The following MYPN variants were observed in gnomAD, a reference collection of about 807,000 sequenced individuals.
MYPN encodes the protein sarcomeric protein myopalladin, 145 kDa (MYOP).
Under a neutral mutation model 129.4 loss-of-function variants are expected in MYPN, and 63 were observed. The observed-to-expected ratio is 0.49, with a 90% CI of 0.40 to 0.60. The LOEUF (loss-of-function observed/expected upper bound fraction) is 0.60. Ranked by LOEUF, MYPN falls within the 20% of genes least tolerant of loss-of-function variation. The probability of loss-of-function intolerance (pLI) is 0.00; values close to 1 mark genes in which losing one functional copy is unlikely to be tolerated. For missense variants in MYPN, 1,596 were observed against 1,635.4 expected, an observed-to-expected ratio of 0.98 and a Z score of 0.42; for synonymous variants, 629 against 600.9, an observed-to-expected ratio of 1.05 and a Z score of -0.68.
intron 1 of MYPN, among the ~76,000 whole-genome samples, chr10:68,117,178 C>T (rs532454305): frequency 2.0e-5 from 3 of 150,882 alleles, no homozygotes; most frequent in South Asian, 4.2e-4. Flanking sequence ...GAGCCGACAT[C>T]GCACCATTGC....
chr10:68,153,997 T>C (rs1193761902), intron 6 of MYPN, among the ~76,000 whole-genome samples: 1 of 152,154 alleles, frequency 6.6e-6, no homozygotes, highest in African/African-American at 2.4e-5. Context: ...GACAGCGAAG[T>C]ACTTATCTTC....
chr10:68,108,164 A>C (rs1180913063), upstream of MYPN, among the ~76,000 whole-genome samples: 1 of 152,168 alleles, frequency 6.6e-6, no homozygotes, highest in East Asian at 1.9e-4. Context: ...CAGATAATTC[A>C]TTTCCTCCTG....
chr10:68,183,263 C>T (rs61857173), intron 12 of MYPN, among the ~76,000 whole-genome samples: 17,249 of 152,002 alleles, frequency 0.11, 1,286 homozygotes, highest in Admixed American at 0.17. Flanking sequence ...GAGTTCAAGA[C>T]CAGCCTGGAC....
intron 12 of MYPN, among the ~76,000 whole-genome samples, chr10:68,182,825 A>T (rs2043359762): frequency 6.6e-6 from 1 of 152,096 alleles, no homozygotes. Flanking sequence ...GTATATTTTT[A>T]AAAACTCATT....
intron 2 of MYPN, chr10:68,136,355 C>A: frequency 1.1e-6 from 1 of 873,112 alleles, no homozygotes; most frequent in Non-Finnish European, 1.4e-6. Context: ...CTGGCACCTA[C>A]TGCCATTCTG....
In MYPN at chr10:68,189,783, G is replaced by A. The variant is rs141170699; in HGVS notation, c.2925+657G>A. Among the ~76,000 whole-genome samples, 1,461 of 152,296 alleles carry A rather than the reference G, an allele frequency of 9.6e-3. 26 individuals are homozygous for A. Among genetic ancestry groups the A allele is most frequent in the African/African-American group, 0.033 (1,385 of 41,566 alleles). On this transcript the variant is annotated intron_variant, in intron 13 of 19. Coordinates refer to ENST00000358913, the MANE Select transcript of MYPN (RefSeq NM_032578.4). ...TATTCATTCATTGATGGACACATAG[G>A]TTGATTCTGTAACTTGGCTATCATG...
At chr10:68,124,077 T>A (rs2042291111) in intron 2 of MYPN, among the ~76,000 whole-genome samples, 1 of 152,216 alleles carries the variant, frequency 6.6e-6, no homozygotes, top group African/African-American at 2.4e-5. Context: ...GTGAGGCAAA[T>A]GCAGTGCAAG....
At chr10:68,185,040 C>A (rs2043398276) in intron 12 of MYPN, among the ~76,000 whole-genome samples, 1 of 151,858 alleles carries the variant, frequency 6.6e-6, no homozygotes, top group South Asian at 2.1e-4. Context: ...CGGGCGTGCT[C>A]AAGCCTGTAA....
chr10:68,179,515 A>T (rs1350431003), intron 12 of MYPN, among the ~76,000 whole-genome samples: 1 of 152,200 alleles, frequency 6.6e-6, no homozygotes, highest in East Asian at 1.9e-4. Context: ...AAGGTAATAA[A>T]ACTGTTAACC....
chr10:68,155,013 C>T (rs2042843810), intron 6 of MYPN, among the ~76,000 whole-genome samples: 1 of 152,004 alleles, frequency 6.6e-6, no homozygotes, highest in African/African-American at 2.4e-5. Flanking sequence ...AACCCCGTCT[C>T]TAACTAAAAA....
At chr10:68,195,555 CT>C in intron 15 of MYPN, 23 bp downstream of exon 15, 1 of 1,595,568 alleles carries the variant, frequency 6.3e-7, no homozygotes, top group Non-Finnish European at 8.6e-7. Flanking sequence ...AGAATTCCCC[CT>C]CTCTAGGCCC....
intron 8 of MYPN, chr10:68,162,166 C>CAAAAAAAAAAAAA (rs5785846): frequency 2.0e-5 from 1 of 49,990 alleles, no homozygotes; most frequent in Admixed American, 2.6e-4. Flanking sequence ...GAATCTGTCT[C>CAAAAAAAAAAAAA]AAAAAAAAAA....
chr10:68,176,326 A>G (rs1156240423), intron 12 of MYPN, among the ~76,000 whole-genome samples: 1 of 152,222 alleles, frequency 6.6e-6, no homozygotes, highest in Non-Finnish European at 1.5e-5. Flanking sequence ...GCTTTTGAGA[A>G]TCCAGTGGTT....
At position 68,148,492 on chromosome 10, in the gene MYPN, A is replaced by G. The variant is rs776042145; in HGVS notation, c.1245+25A>G. 5.1e-6 allele frequency: 8 copies of G among 1,571,890 alleles called. No homozygotes were observed. In the East Asian group the frequency reaches 6.7e-5, roughly 13 times the overall value. On this transcript the variant is annotated intron_variant, in intron 5 of 19. Coordinates refer to ENST00000358913, the MANE Select transcript of MYPN (RefSeq NM_032578.4). The stretch of plus-strand genomic sequence containing the variant: ...GGTACAAGAATCCAAGCGAAACACA[A>G]GTGCCATCCACTGTGACAGACAGTC...
chr10:68,120,634 A>G (rs2042227745), intron 1 of MYPN, among the ~76,000 whole-genome samples: 1 of 152,204 alleles, frequency 6.6e-6, no homozygotes, highest in Admixed American at 6.5e-5. Flanking sequence ...TTTACTTTCC[A>G]TGAGCTAGCT....
chr10:68,102,281 C>G (rs889174344), upstream of MYPN, among the ~76,000 whole-genome samples: 1 of 151,880 alleles, frequency 6.6e-6, no homozygotes, highest in African/African-American at 2.4e-5. Flanking sequence ...CACACCACCA[C>G]GCCCAGCTAA....
At position 68,158,300 on chromosome 10, in the gene MYPN, C is replaced by A. The variant is rs978943049; in HGVS notation, c.1318-186C>A. 5.9e-5 allele frequency: 36 copies of A among 607,776 alleles called. No individual in the cohort carries two copies. The African/African-American group carries it at 6.5e-4, about 11-fold the overall frequency. 37.6% of individuals were successfully genotyped at this position (607,776 alleles called of 1,614,324 possible). A position where few individuals can be genotyped will look rare whatever the true frequency, so the allele number is the denominator to read the frequency against. ...GAGTAGCCACGCTCGCCTGCTAGAG[C>A]CTCCAAACAAGCTCTCAAAACTACT... On this transcript the variant is annotated intron_variant, in intron 6 of 19. Coordinates refer to ENST00000358913, the MANE Select transcript of MYPN (RefSeq NM_032578.4).
At chr10:68,131,117 G>C (rs368922998) in intron 2 of MYPN, among the ~76,000 whole-genome samples, 2 of 152,140 alleles carry the variant, frequency 1.3e-5, no homozygotes, top group African/African-American at 4.8e-5. Flanking sequence ...GGCCGGGTGT[G>C]GGGGCTCACG....
In MYPN at chr10:68,201,921, A is replaced by G. The variant is rs375595742; in HGVS notation, c.3586A>G (p.Ile1196Val). Reference protein sequence around the residue: ...GHPVRLECRVIGMPPPVFYWK... With the variant: ...GHPVRLECRVVGMPPPVFYWK... The stretch of plus-strand genomic sequence containing the variant: ...CCCCGTGAGACTGGAGTGCCGCGTG[A>G]TAGGCATGCCCCCACCTGTGTTCTA... The change falls in exon 18 of 20, where the codon ATA becomes GTA. Residue 1196 changes from isoleucine (I) to valine (V), a missense_variant. Ile to Val is a conservative substitution (Grantham distance 29). Transcript: ENST00000358913. The G allele has an allele frequency of 1.9e-6, 3 of 1,614,174 alleles. No homozygotes were observed. The highest frequency in any genetic ancestry group is 2.5e-6 in the Non-Finnish European group (3 of 1,180,032).
Sources: gnomAD v4.1 joint callset for allele counts (sites outside exome capture counted in the v4.1 genomes callset) on GRCh38, gnomAD v4.1.1 for gene constraint, MANE v1.5 for transcripts, NCBI Gene and HGNC (gene_info 2026-07-23, HGNC 2026-07-21) for gene names.